Variants in SAMD5 observed in about 807,000 individuals in gnomAD.
SAMD5 encodes sterile alpha motif domain-containing protein 5.
SAMD5 carries 13 observed loss-of-function variants against 11.3 expected under a neutral mutation model. The observed-to-expected ratio is 1.15, with a 90% CI of 0.75 to 1.83. The LOEUF is 1.83. Ranked by LOEUF, SAMD5 falls within the 40% of genes most tolerant of loss-of-function variation. The probability of loss-of-function intolerance (pLI) is 0.00; values close to 1 mark genes in which losing one functional copy is unlikely to be tolerated. For synonymous variants in SAMD5, 129 were observed against 111.3 expected (o/e 1.16, Z -1.00); for missense variants, 255 against 239.1 (o/e 1.07, Z -0.44).
At chr6:147,810,809 G>C in the SAMD5 span, among the ~76,000 whole-genome samples, 1 of 152,158 alleles carries the variant, frequency 6.6e-6, no homozygotes, top group Non-Finnish European at 1.5e-5. Context: ...GTGGCACAGA[G>C]AGGTTAATTG....
the SAMD5 span, among the ~76,000 whole-genome samples, chr6:147,794,836 T>A: frequency 1.3e-5 from 2 of 151,950 alleles, no homozygotes; most frequent in South Asian, 4.1e-4. Context: ...GACTCACCTG[T>A]TAATTTGGCT....
intron 1 of SAMD5, among the ~76,000 whole-genome samples, chr6:147,621,438 C>T (rs1474939591): frequency 6.7e-6 from 1 of 149,558 alleles, no homozygotes; most frequent in Non-Finnish European, 1.5e-5. Flanking sequence ...GAGCCTTCAG[C>T]CTGGTAACTG....
the SAMD5 span, among the ~76,000 whole-genome samples, chr6:147,796,531 G>A: frequency 6.6e-6 from 1 of 152,158 alleles, no homozygotes; most frequent in Non-Finnish European, 1.5e-5. Flanking sequence ...TTTGGCTTAG[G>A]ATTGACTTGG....
intron 1 of SAMD5, among the ~76,000 whole-genome samples, chr6:147,641,675 T>A (rs1790314254): frequency 6.6e-6 from 1 of 151,902 alleles, no homozygotes; most frequent in African/African-American, 2.4e-5. Context: ...ATGATTCAGA[T>A]CTTAGCTTTT....
At chr6:147,602,202 G>A (rs537028949) in intron 1 of SAMD5, among the ~76,000 whole-genome samples, 2 of 152,176 alleles carry the variant, frequency 1.3e-5, no homozygotes, top group South Asian at 4.1e-4. Context: ...TTCCCATTTG[G>A]GTTGGACAGG....
the SAMD5 span, among the ~76,000 whole-genome samples, chr6:147,837,471 A>G: frequency 4.6e-5 from 7 of 152,380 alleles, no homozygotes; most frequent in Non-Finnish European, 8.8e-5. Flanking sequence ...TCAGTGACAC[A>G]TAAGAGGAGA....
chr6:147,552,840 A>G (rs1448754086), intron 1 of SAMD5, among the ~76,000 whole-genome samples: 1 of 152,220 alleles, frequency 6.6e-6, no homozygotes, highest in African/African-American at 2.4e-5. Context: ...TCACAAAGCT[A>G]AATGAAAAAT....
At chr6:147,633,619 C>G (rs1443874777) in intron 1 of SAMD5, among the ~76,000 whole-genome samples, 1 of 151,626 alleles carries the variant, frequency 6.6e-6, no homozygotes, top group African/African-American at 2.4e-5. Flanking sequence ...CAACATACAA[C>G]ATACAACAGC....
In SAMD5 at chr6:147,566,548, C is replaced by G. The variant is rs1330457202; in HGVS notation, c.*2092C>G. On this transcript the variant is annotated 3_prime_UTR_variant, in exon 2 of 2. Coordinates refer to ENST00000367474, the MANE Select transcript of SAMD5 (RefSeq NM_001030060.3). ...ACTGTGGGCCTTATGAGGCAATCTA[C>G]TGCAATGGAAAAAGGGTTCCTTGGT... 1 of 984,466 alleles carries G rather than the reference C, an allele frequency of 1.0e-6. No homozygotes were observed. Among genetic ancestry groups the G allele is most frequent in the East Asian group, 1.1e-4 (1 of 8,820 alleles). The allele number at this position is 984,466 out of a possible 1,614,324, so 61.0% of individuals were successfully genotyped here. A position where few individuals can be genotyped will look rare whatever the true frequency, so the allele number is the denominator to read the frequency against.
Position 147,663,791 on chromosome 6 carries a change from CA to C in SAMD5, c.163-73505del, listed in dbSNP as rs199707045. Among the ~76,000 whole-genome samples, 368 of 83,070 alleles carry C rather than the reference CA, an allele frequency of 4.4e-3. 1 individual carries two copies. The highest frequency in any genetic ancestry group is 0.016 in the African/African-American group (296 of 18,414). The allele number at this position is 83,070 out of a possible 152,430, so 54.5% of individuals were successfully genotyped here. Reference sequence around the variant, plus strand: ...TGGGTGAAAGAGCGAAACTCTGTCTCAAAAAAAAAAAAAAAAAAAAAGAGAG... The same window carrying C: ...TGGGTGAAAGAGCGAAACTCTGTCTCAAAAAAAAAAAAAAAAAAAAGAGAG... On this transcript the variant is annotated intron_variant, in intron 1 of 1. Transcript: ENST00000566741.
Position 147,509,279 on chromosome 6 carries a change from C to G in SAMD5, c.351C>G (p.Pro117=). The change falls in exon 1 of 2, where the codon CCC becomes CCG. Residue 117 remains proline, a synonymous_variant. Coordinates refer to ENST00000367474, the MANE Select transcript of SAMD5 (RefSeq NM_001030060.3). ...ACTCTCGCGGCCACACGACCGCCCCCCGCAGCAGGGAGCTGGTGAGCTACC... is the reference window on the plus strand; with the variant it reads ...ACTCTCGCGGCCACACGACCGCCCCGCGCAGCAGGGAGCTGGTGAGCTACC... ...RGDSRGHTTA[P]RSRELVSYPK... is the part of the protein sequence containing the mutation. The G allele has an allele frequency of 6.4e-7, 1 of 1,563,126 alleles. No homozygotes were observed.
At chr6:147,772,890 T>C in the SAMD5 span, among the ~76,000 whole-genome samples, 2 of 152,254 alleles carry the variant, frequency 1.3e-5, no homozygotes, top group African/African-American at 2.4e-5. Flanking sequence ...AGTGTCGAAG[T>C]GAGAAGTTGA....
Position 147,621,390 on chromosome 6 carries a change from A to G in SAMD5, c.162+112003A>G, listed in dbSNP as rs537403959. ...TCCAGTGCATGAGTCAAGGTTGGAG[A>G]TGGGAGCAGGAGAAAGGGAGAGTCA... On this transcript the variant is annotated intron_variant, in intron 1 of 1. Transcript: ENST00000566741. Among the ~76,000 whole-genome samples, 14 of 152,254 alleles carry G rather than the reference A, an allele frequency of 9.2e-5. No individual in the cohort carries two copies. The South Asian group carries it at 2.9e-3, about 32-fold the overall frequency.
chr6:147,695,464 C>T (rs1454668616), intron 1 of SAMD5, among the ~76,000 whole-genome samples: 5 of 152,022 alleles, frequency 3.3e-5, no homozygotes, highest in South Asian at 2.1e-4. Flanking sequence ...AGAATGCAGG[C>T]CTAGCATATT....
chr6:147,945,554 G>A, the SAMD5 span, among the ~76,000 whole-genome samples: 1 of 152,148 alleles, frequency 6.6e-6, no homozygotes, highest in Non-Finnish European at 1.5e-5. Context: ...TGATGTCAGG[G>A]ATATAGTAGA....
chr6:147,852,081 G>A, the SAMD5 span, among the ~76,000 whole-genome samples: 8 of 151,958 alleles, frequency 5.3e-5, no homozygotes, highest in East Asian at 9.7e-4. Context: ...AAATCTATAC[G>A]TACTGTATTT....
the SAMD5 span, among the ~76,000 whole-genome samples, chr6:147,758,127 G>A: frequency 6.6e-6 from 1 of 152,118 alleles, no homozygotes; most frequent in Admixed American, 6.6e-5. Flanking sequence ...TCACTAATAT[G>A]AAGATGTTAT....
At chr6:147,612,356 A>AT (rs1164668033) in intron 1 of SAMD5, among the ~76,000 whole-genome samples, 1 of 152,160 alleles carries the variant, frequency 6.6e-6, no homozygotes, top group Non-Finnish European at 1.5e-5. Context: ...CCTAAATCAT[A>AT]TTTTTTAATT....
chr6:147,827,565 G>T, the SAMD5 span, among the ~76,000 whole-genome samples: 2 of 152,262 alleles, frequency 1.3e-5, no homozygotes, highest in African/African-American at 2.4e-5. Flanking sequence ...TGGAGCCCGA[G>T]CCAAGATTTT....
Sources: allele counts gnomAD v4.1 joint callset (sites outside exome capture counted in the v4.1 genomes callset), GRCh38; gene constraint gnomAD v4.1.1; transcripts MANE v1.5; gene names NCBI Gene and HGNC (gene_info 2026-07-23, HGNC 2026-07-21).